Variants in PPIP5K2 observed in about 807,000 individuals in gnomAD.
PPIP5K2 encodes inositol hexakisphosphate and diphosphoinositol-pentakisphosphate kinase 2.
A neutral mutation model predicts 154.6 loss-of-function variants in PPIP5K2; 105 were observed. The ratio of observed to expected loss-of-function variants is 0.68; its 90% CI spans 0.58 to 0.80. The LOEUF is 0.80. Among genes scored for constraint, PPIP5K2 ranks in the 30% least tolerant of loss-of-function variants. PPIP5K2 has a pLI of 0.00. For synonymous variants in PPIP5K2, 480 were observed against 490.3 expected, an observed-to-expected ratio of 0.98 and a Z score of 0.28; for missense variants, 992 against 1,504.6, an observed-to-expected ratio of 0.66 and a Z score of 5.64.
intron 13 of PPIP5K2, among the ~76,000 whole-genome samples, chr5:103,155,516 C>T (rs116407219): frequency 1.4e-3 from 202 of 147,452 alleles, no homozygotes; most frequent in African/African-American, 4.8e-3. Context: ...ACCTCTCCCC[C>T]TCCCAAGTTC....
intron 1 of PPIP5K2, among the ~76,000 whole-genome samples, chr5:103,121,161 G>C (rs1205404980): frequency 1.2e-5 from 1 of 81,778 alleles, no homozygotes; most frequent in Non-Finnish European, 2.8e-5. Flanking sequence ...GGGAAGCATA[G>C]CTGACCTTAG....
chr5:103,212,774 G>A lies in PPIP5K2; in HGVS notation c.*11140G>A, dbSNP rs1803871447. 6.6e-6 allele frequency: 1 copy of A among 152,002 alleles called. No homozygotes were observed. The highest frequency in any genetic ancestry group is 1.5e-5 in the Non-Finnish European group (1 of 67,956). The allele number at this position is 152,002 out of a possible 1,614,324, so 9.4% of individuals were successfully genotyped here. A position where few individuals can be genotyped will look rare whatever the true frequency, so the allele number is the denominator to read the frequency against. The stretch of plus-strand genomic sequence containing the variant: ...AGTCATCTGTAATCTCATTACCCAA[G>A]TAAAACTGTTTTCATTTTTCCATTA... On this transcript the variant is annotated 3_prime_UTR_variant, in exon 31 of 31. Transcript: ENST00000358359.
chr5:103,181,319 G>C (rs868930215), intron 24 of PPIP5K2, among the ~76,000 whole-genome samples: 1 of 151,916 alleles, frequency 6.6e-6, no homozygotes, highest in African/African-American at 2.4e-5. Context: ...TGTAAACCTG[G>C]CACTTTGGGA....
At chr5:103,172,134 T>G (rs908901832) in intron 19 of PPIP5K2, among the ~76,000 whole-genome samples, 4 of 151,638 alleles carry the variant, frequency 2.6e-5, no homozygotes, top group African/African-American at 9.7e-5. Context: ...TAAAAAAAAA[T>G]TATTTCCCTG....
chr5:103,156,242 G>A (rs1009045408), intron 14 of PPIP5K2, among the ~76,000 whole-genome samples: 4 of 152,092 alleles, frequency 2.6e-5, no homozygotes, highest in South Asian at 2.1e-4. Context: ...TTTTAACTGC[G>A]GGATTGTTTC....
At position 103,205,666 on chromosome 5, in the gene PPIP5K2, C is replaced by G. The variant is rs192820657; in HGVS notation, c.*4032C>G. 4 of 152,188 alleles carry G rather than the reference C, an allele frequency of 2.6e-5. No homozygotes were observed. Among genetic ancestry groups the G allele is most frequent in the Admixed American group, 1.3e-4 (2 of 15,280 alleles). 9.4% of individuals were successfully genotyped at this position (152,188 alleles called of 1,614,324 possible). A position where few individuals can be genotyped will look rare whatever the true frequency, so the allele number is the denominator to read the frequency against. On this transcript the variant is annotated 3_prime_UTR_variant, in exon 31 of 31. Transcript: ENST00000358359. ...CGCTTAGGGATCACTGTCAATTTCT[C>G]CTTTTATTATCAATGGTTTTTACTT...
chr5:103,130,204 CTA>C (rs557694375), intron 2 of PPIP5K2, among the ~76,000 whole-genome samples: 71 of 152,192 alleles, frequency 4.7e-4, no homozygotes, highest in Non-Finnish European at 6.8e-4. Flanking sequence ...TAAAAAGTAT[CTA>C]TGTGTTTGTG....
Position 103,158,528 on chromosome 5 carries a change from C to G in PPIP5K2, c.1692C>G (p.Ala564=). 6.2e-7 allele frequency: 1 copy of G among 1,612,256 alleles called. No homozygotes were observed. The highest frequency in any genetic ancestry group is 2.2e-5 in the East Asian group (1 of 44,860). Residue 564 remains alanine, a synonymous_variant, in exon 16 of 31, where the codon GCC becomes GCG. Coordinates refer to ENST00000358359, the MANE Select transcript of PPIP5K2 (RefSeq NM_001276277.3). Reference sequence around the variant, plus strand: ...ACAGACATGACCTCAAAATATATGCCTCTGATGAAGGACGAGTCCAGATGA... The same window carrying G: ...ACAGACATGACCTCAAAATATATGCGTCTGATGAAGGACGAGTCCAGATGA... ...STYRHDLKIY[A]SDEGRVQMTA...
intron 24 of PPIP5K2, 68 bp from the exon 25 acceptor site, chr5:103,183,166 G>A: frequency 9.2e-7 from 1 of 1,089,176 alleles, no homozygotes; most frequent in Non-Finnish European, 1.1e-6. Flanking sequence ...ATCTAACTTT[G>A]CATGCTCTGC....
chr5:103,136,404 T>C (rs1296886250), intron 3 of PPIP5K2, among the ~76,000 whole-genome samples: 1 of 152,212 alleles, frequency 6.6e-6, no homozygotes, highest in Non-Finnish European at 1.5e-5. Flanking sequence ...GATACACCCA[T>C]GTTATTTACA....
At chr5:103,142,775 C>A (rs76845294) in intron 5 of PPIP5K2, among the ~76,000 whole-genome samples, 497 of 137,998 alleles carry the variant, frequency 3.6e-3, no homozygotes, top group Middle Eastern at 3.7e-3. Context: ...GACTCCGTCT[C>A]AAAAAAAAAA....
chr5:103,170,494 T>G (rs2149688308), intron 19 of PPIP5K2, among the ~76,000 whole-genome samples: 1 of 151,750 alleles, frequency 6.6e-6, no homozygotes, highest in East Asian at 1.9e-4. Context: ...CAAGTTTACA[T>G]AAATCAGTTC....
At chr5:103,173,721 T>C in intron 20 of PPIP5K2, 137 bp from the exon 21 acceptor site, 1 of 656,984 alleles carries the variant, frequency 1.5e-6, no homozygotes, top group Non-Finnish European at 2.6e-6. Flanking sequence ...AATTCTCTAT[T>C]GTGGTTGGAA....
At chr5:103,138,304 G>A in intron 4 of PPIP5K2, 80 bp from the exon 5 acceptor site, 1 of 778,950 alleles carries the variant, frequency 1.3e-6, no homozygotes, top group Non-Finnish European at 2.0e-6. Flanking sequence ...CAACAATAAT[G>A]TCTTTTAAGA....
At chr5:103,195,531 T>A (rs979903314) in intron 30 of PPIP5K2, among the ~76,000 whole-genome samples, 5 of 152,220 alleles carry the variant, frequency 3.3e-5, no homozygotes, top group Non-Finnish European at 5.9e-5. Context: ...ACTATGTGAC[T>A]ACCAAAATTA....
chr5:103,145,380 G>GC (rs1793591275), intron 5 of PPIP5K2, among the ~76,000 whole-genome samples: 1 of 152,156 alleles, frequency 6.6e-6, no homozygotes. Context: ...ATATGATCTT[G>GC]CAATCCCACT....
intron 30 of PPIP5K2, 57 bp downstream of exon 30, chr5:103,195,082 C>T (rs1801869629): frequency 6.3e-7 from 1 of 1,584,252 alleles, no homozygotes; most frequent in East Asian, 2.2e-5. Flanking sequence ...GGAATAGTAA[C>T]TTGCTTTTTA....
At chr5:103,138,129 A>G (rs1250171987) in intron 4 of PPIP5K2, among the ~76,000 whole-genome samples, 1 of 152,164 alleles carries the variant, frequency 6.6e-6, no homozygotes, top group African/African-American at 2.4e-5. Context: ...TTATGTTCTC[A>G]GTTTTAATAA....
chr5:103,161,823 C>CT (rs1796308767), intron 17 of PPIP5K2, among the ~76,000 whole-genome samples: 1 of 151,708 alleles, frequency 6.6e-6, no homozygotes, highest in African/African-American at 2.4e-5. Flanking sequence ...TTGTAAATTT[C>CT]TTTGAGTTCT....
Sources: allele counts gnomAD v4.1 joint callset (sites outside exome capture counted in the v4.1 genomes callset), GRCh38; gene constraint gnomAD v4.1.1; transcripts MANE v1.5; gene names NCBI Gene and HGNC (gene_info 2026-07-23, HGNC 2026-07-21).